MXI1: variants seen among roughly 807,000 people sequenced by gnomAD.
MXI1 encodes the protein max-interacting protein 1.
A neutral mutation model predicts 36.9 loss-of-function variants in MXI1; 18 were observed. That is an observed-to-expected ratio of 0.49 (90% CI 0.34 to 0.72). The LOEUF is 0.72. Among genes scored for constraint, MXI1 ranks in the 30% least tolerant of loss-of-function variants. MXI1 has a pLI of 0.01. For missense variants in MXI1, 304 were observed against 379.1 expected (o/e 0.80, Z 1.64); for synonymous variants, 160 against 146.7 (o/e 1.09, Z -0.65).
chr10:110,226,463 T>A (rs1205170374), intron 1 of MXI1: 1 of 133,456 alleles, frequency 7.5e-6, no homozygotes. Context: ...GGGAGGGGCG[T>A]GTGGGGAGGG....
At chr10:110,283,648 A>G (rs1857339920) in intron 5 of MXI1, among the ~76,000 whole-genome samples, 1 of 152,132 alleles carries the variant, frequency 6.6e-6, no homozygotes, top group African/African-American at 2.4e-5. Context: ...TAAGTAAGGT[A>G]ACTGAAAAAT....
chr10:110,210,159 C>A (rs997629018), intron 1 of MXI1: 171 of 770,202 alleles, frequency 2.2e-4, no homozygotes, highest in Non-Finnish European at 2.6e-4. Flanking sequence ...TGGGCTGCCC[C>A]GCGCGGGGCG....
At chr10:110,281,023 T>C (rs577483831) in intron 5 of MXI1, among the ~76,000 whole-genome samples, 1 of 152,350 alleles carries the variant, frequency 6.6e-6, no homozygotes, top group South Asian at 2.1e-4. Context: ...TCTTTAGGAT[T>C]CTAAAACATG....
intron 3 of MXI1, among the ~76,000 whole-genome samples, chr10:110,265,312 G>A (rs897047112): frequency 2.0e-5 from 3 of 152,114 alleles, no homozygotes; most frequent in Admixed American, 6.5e-5. Context: ...AAGGAAATAC[G>A]TTAAAACTTT....
intron 1 of MXI1, chr10:110,227,258 C>CGT: frequency 1.5e-6 from 1 of 678,594 alleles, no homozygotes; most frequent in Non-Finnish European, 1.6e-6. Context: ...GGGGCGTGTG[C>CGT]GGGAAGGGCG....
At chr10:110,209,628 C>G (rs1167943367) in intron 1 of MXI1, among the ~76,000 whole-genome samples, 5 of 152,184 alleles carry the variant, frequency 3.3e-5, no homozygotes, top group Non-Finnish European at 5.9e-5. Flanking sequence ...GCTGTGCAGC[C>G]GAATCGCTTC....
rs1253355496 is a variant in MXI1 at position 110,287,346 on chromosome 10, TAAA to T, written c.*2362_*2364del. The T allele has an allele frequency of 2.6e-5, 4 of 152,134 alleles. No homozygotes were observed. Among genetic ancestry groups the T allele is most frequent in the Non-Finnish European group, 4.4e-5 (3 of 68,016 alleles). The allele number at this position is 152,134 out of a possible 1,614,324, so 9.4% of individuals were successfully genotyped here. On this transcript the variant is annotated 3_prime_UTR_variant, in exon 6 of 6. Coordinates refer to ENST00000332674, the MANE Select transcript of MXI1 (RefSeq NM_130439.3). ...AGACACAAAAGTTAATTGGAAGAAA[TAAA>T]AACTGTGAACGAAGAATACCTTTCT...
chr10:110,233,207 C>A (rs2134367142), intron 2 of MXI1, among the ~76,000 whole-genome samples: 2 of 152,224 alleles, frequency 1.3e-5, no homozygotes, highest in Admixed American at 1.3e-4. Flanking sequence ...AACAACTTTT[C>A]TGTTGTTTAT....
At chr10:110,283,607 G>A (rs973697084) in intron 5 of MXI1, among the ~76,000 whole-genome samples, 7 of 150,978 alleles carry the variant, frequency 4.6e-5, no homozygotes, top group African/African-American at 1.5e-4. Flanking sequence ...TAAAAAGTCA[G>A]TGCCAAATGT....
intron 3 of MXI1, among the ~76,000 whole-genome samples, chr10:110,245,983 C>T (rs1855849047): frequency 6.6e-6 from 1 of 152,068 alleles, no homozygotes; most frequent in Admixed American, 6.6e-5. Context: ...TGGAAGAGAA[C>T]ATAAGAATTG....
At chr10:110,278,763 G>A (rs1038369384) in intron 3 of MXI1, among the ~76,000 whole-genome samples, 4 of 151,986 alleles carry the variant, frequency 2.6e-5, no homozygotes, top group Non-Finnish European at 5.9e-5. Context: ...AGGTGGGAGG[G>A]GGGAAATAGA....
chr10:110,221,967 TC>T (rs1213204807), intron 1 of MXI1, among the ~76,000 whole-genome samples: 1 of 152,142 alleles, frequency 6.6e-6, no homozygotes, highest in Non-Finnish European at 1.5e-5. Flanking sequence ...CGTCATCCCT[TC>T]TAGACCCAAA....
chr10:110,279,250 C>T lies in MXI1; in HGVS notation c.508C>T (p.His170Tyr). ...TCCACTAGGACCAGACTGCACCCGG[C>T]ACACAACACTTGGTTTGCTCAACAA... ...LIPLGPDCTR[H>Y]TTLGLLNKAK... Residue 170 changes from histidine (H) to tyrosine (Y), a missense_variant, in exon 4 of 6, where the codon CAC becomes TAC. Around this residue, in one of 2 missense-constraint regions of MXI1, gnomAD observed 125 missense variants for 194.3 expected, o/e 0.64. Coordinates refer to ENST00000332674, the MANE Select transcript of MXI1 (RefSeq NM_130439.3). The T allele has an allele frequency of 1.2e-6, 2 of 1,614,214 alleles. No individual in the cohort carries two copies. Among genetic ancestry groups the T allele is most frequent in the Non-Finnish European group, 1.7e-6 (2 of 1,180,038 alleles).
chr10:110,225,869 G>A (rs1854944433), intron 1 of MXI1: 1 of 375,086 alleles, frequency 2.7e-6, no homozygotes, highest in Non-Finnish European at 3.7e-6. Context: ...GAAACGGCGT[G>A]TGCACTACGA....
chr10:110,231,164 C>T (rs1030157413), intron 2 of MXI1, among the ~76,000 whole-genome samples: 2 of 152,020 alleles, frequency 1.3e-5, no homozygotes, highest in African/African-American at 4.8e-5. Flanking sequence ...GTCAGGAGTT[C>T]GAGACCAGCC....
At chr10:110,241,112 C>T (rs888192675) in intron 2 of MXI1, among the ~76,000 whole-genome samples, 4 of 151,886 alleles carry the variant, frequency 2.6e-5, no homozygotes, top group African/African-American at 9.7e-5. Context: ...AAGGTAGTCA[C>T]ATTTCATAGA....
chr10:110,235,690 A>AAAT (rs1855436514), intron 2 of MXI1, among the ~76,000 whole-genome samples: 2 of 149,084 alleles, frequency 1.3e-5, no homozygotes, highest in African/African-American at 5.0e-5. Flanking sequence ...TCTGTCTCAA[A>AAAT]AAATAAATAA....
chr10:110,212,892 T>C (rs1436206833), intron 1 of MXI1, among the ~76,000 whole-genome samples: 4 of 152,198 alleles, frequency 2.6e-5, no homozygotes, highest in African/African-American at 7.2e-5. Context: ...ACAAGGAGTT[T>C]ATTAGTAACT....
At chr10:110,235,931 C>T (rs550331869) in intron 2 of MXI1, among the ~76,000 whole-genome samples, 7 of 151,956 alleles carry the variant, frequency 4.6e-5, no homozygotes, top group Admixed American at 2.0e-4. Context: ...CACTTGAACC[C>T]GGATAGTGGA....
Sources: gnomAD v4.1 joint callset for allele counts (sites outside exome capture counted in the v4.1 genomes callset) on GRCh38, gnomAD v4.1.1 for gene constraint, gnomAD v4.1.1 regional missense constraint, MANE v1.5 for transcripts, NCBI Gene and HGNC (gene_info 2026-07-23, HGNC 2026-07-21) for gene names.